The following SYNJ1 variants were observed in gnomAD, a reference collection of about 807,000 sequenced individuals.
The protein encoded by SYNJ1 is synaptojanin 1, also known as polyphosphatidylinositol phosphatase SYNJ1.
Under a neutral mutation model 168.2 loss-of-function variants are expected in SYNJ1, and 78 were observed. That is an observed-to-expected ratio of 0.46 (90% CI 0.39 to 0.56). SYNJ1 has a LOEUF of 0.56. Ranked by LOEUF, SYNJ1 falls within the 20% of genes least tolerant of loss-of-function variation. SYNJ1 has a pLI of 0.00. For synonymous variants in SYNJ1, 539 were observed against 548.6 expected (o/e 0.98, Z 0.24); for missense variants, 1,303 against 1,597.6 (o/e 0.82, Z 3.14).
intron 2 of SYNJ1, among the ~76,000 whole-genome samples, chr21:32,708,513 A>G (rs994412249): frequency 2.0e-5 from 3 of 152,200 alleles, no homozygotes; most frequent in African/African-American, 7.2e-5. Context: ...CCAGAAGAGA[A>G]TTGCTTTCGG....
intron 11 of SYNJ1, 22 bp from the exon 12 acceptor site, chr21:32,678,823 G>A (rs753706652): frequency 6.3e-7 from 1 of 1,592,348 alleles, no homozygotes; most frequent in East Asian, 2.3e-5. Context: ...GTTAAGAAAG[G>A]AGCGCAGATT....
chr21:32,681,155 A>C (rs979652230), intron 11 of SYNJ1, among the ~76,000 whole-genome samples: 1 of 152,226 alleles, frequency 6.6e-6, no homozygotes. Context: ...TTTAAAAATC[A>C]TATTTGTAAT....
intron 6 of SYNJ1, among the ~76,000 whole-genome samples, chr21:32,689,944 C>T (rs988414133): frequency 6.6e-6 from 1 of 152,230 alleles, no homozygotes; most frequent in Non-Finnish European, 1.5e-5. Context: ...GCAGAAAACT[C>T]ACAAGTTGAT....
chr21:32,656,934 A>G lies in SYNJ1; in HGVS notation c.2580-32T>C, dbSNP rs543028128. The G allele has an allele frequency of 1.9e-6, 3 of 1,611,352 alleles. No homozygotes were observed. In the African/African-American group the frequency reaches 4.0e-5, roughly 22 times the overall value. On this transcript the variant is annotated intron_variant, in intron 20 of 32. Transcript: ENST00000674351. The stretch of plus-strand genomic sequence containing the variant: ...GCATAAAGGAAGATAGATGTATTAG[A>G]AATGTTTTTAAAAGGGTGTATTTCA...
chr21:32,650,436 G>T, intron 22 of SYNJ1, 90 bp from the exon 23 acceptor site: 1 of 1,074,842 alleles, frequency 9.3e-7, no homozygotes, highest in Non-Finnish European at 1.3e-6. Flanking sequence ...ACTATGCAAT[G>T]GTATAGACAG....
At chr21:32,685,233 C>A (rs1189923912) in intron 9 of SYNJ1, among the ~76,000 whole-genome samples, 1 of 150,840 alleles carries the variant, frequency 6.6e-6, no homozygotes, top group South Asian at 2.1e-4. Flanking sequence ...ATAAAATGCG[C>A]TCACTAATGT....
upstream of SYNJ1, chr21:32,728,078 A>G (rs2122964424): frequency 5.6e-5 from 85 of 1,519,490 alleles, no homozygotes; most frequent in East Asian, 7.7e-5. Context: ...GCCCCGCGCG[A>G]GGGAAGGGGC....
At chr21:32,661,064 T>C (rs1270717579) in intron 18 of SYNJ1, among the ~76,000 whole-genome samples, 1 of 152,146 alleles carries the variant, frequency 6.6e-6, no homozygotes, top group Admixed American at 6.5e-5. Context: ...AAAGACTTTT[T>C]CCACACAGAA....
rs750372776 is a variant in SYNJ1 at position 32,726,863 on chromosome 21, G to C, written c.33C>G (p.His11Gln). 1 of 1,614,152 alleles carries C rather than the reference G, an allele frequency of 6.2e-7. No homozygotes were observed. The highest frequency in any genetic ancestry group is 8.5e-7 in the Non-Finnish European group (1 of 1,180,032). The change falls in exon 2 of 33, where the codon CAC becomes CAG. Residue 11 changes from histidine to glutamine, a missense_variant. Coordinates refer to ENST00000674351, the MANE Select transcript of SYNJ1 (RefSeq NM_203446.3). MAFSKGFRIY[H>Q]KLDPPPFSLI... is the part of the protein sequence containing the mutation. ...GGCTGAAAGGTGGGGGATCCAATTT[G>C]TGATAGATCCGGAATCCTTTACTGA...
chr21:32,629,823 G>T lies in SYNJ1; in HGVS notation c.*1982C>A, dbSNP rs962407762. The T allele has an allele frequency of 6.6e-6, 1 of 152,540 alleles. No homozygotes were observed. The highest frequency in any genetic ancestry group is 6.5e-5 in the Admixed American group (1 of 15,282). 9.4% of individuals were successfully genotyped at this position (152,540 alleles called of 1,614,324 possible). On this transcript the variant is annotated 3_prime_UTR_variant, in exon 33 of 33. Transcript: ENST00000674351. Reference sequence around the variant, plus strand: ...ATAAAAGCGGGATCAGTTGCATATTGGCAGTGCAGGAGACAAAATCCGCAG... The same window carrying T: ...ATAAAAGCGGGATCAGTTGCATATTTGCAGTGCAGGAGACAAAATCCGCAG...
intron 4 of SYNJ1, among the ~76,000 whole-genome samples, chr21:32,695,633 A>ATATTTATTTATT (rs759113240): frequency 1.2e-4 from 18 of 148,034 alleles, no homozygotes; most frequent in South Asian, 4.2e-4. Flanking sequence ...TTTTAAAAAA[A>ATATTTATTTATT]TATTTATTTA....
chr21:32,676,370 A>C lies in SYNJ1; in HGVS notation c.1511-15T>G. The C allele has an allele frequency of 1.2e-6, 2 of 1,606,272 alleles. No individual in the cohort carries two copies. Among genetic ancestry groups the C allele is most frequent in the Non-Finnish European group, 1.7e-6 (2 of 1,175,958 alleles). ...CTGCTCAGAAACTATGGATGCAACA[A>C]GAAGAAAACAAAGAATCATTAGTAA... On this transcript the variant is annotated splice_polypyrimidine_tract_variant and intron_variant, in intron 12 of 32. Transcript: ENST00000674351.
Position 32,699,845 on chromosome 21 carries a change from ATC to A in SYNJ1, c.470_471del (p.Arg157IlefsTer19), listed in dbSNP as rs2042336378. The A allele has an allele frequency of 6.2e-7, 1 of 1,608,532 alleles. No homozygotes were observed. The highest frequency in any genetic ancestry group is 8.5e-7 in the Non-Finnish European group (1 of 1,177,498). On this transcript the variant is annotated frameshift_variant, in exon 4 of 33. Transcript: ENST00000674351. LOFTEE classifies it high-confidence loss of function. ...GGGAAAAAATGAACTCACCAGAAAA[ATC>A]TATTATCAGTTGTCTGTTCTTGCAT... ...RSMQEQTTDN[R>X]FFWNQSLHLH...
chr21:32,712,614 T>A (rs750477996), intron 2 of SYNJ1, among the ~76,000 whole-genome samples: 1 of 151,968 alleles, frequency 6.6e-6, no homozygotes, highest in Non-Finnish European at 1.5e-5. Flanking sequence ...ACCAGGCCCC[T>A]GGCAAGGTTC....
chr21:32,721,379 T>C (rs2015927), intron 2 of SYNJ1, among the ~76,000 whole-genome samples: 71,150 of 152,134 alleles, frequency 0.47, 16,856 homozygotes, highest in African/African-American at 0.54. Context: ...TTTTCTATTT[T>C]AAACAGGTAA....
intron 29 of SYNJ1, among the ~76,000 whole-genome samples, chr21:32,640,311 T>A (rs974060556): frequency 6.6e-6 from 1 of 152,100 alleles, no homozygotes; most frequent in African/African-American, 2.4e-5. Context: ...TTTTGGTTTT[T>A]TTTTGAGATG....
intron 19 of SYNJ1, 54 bp from the exon 20 acceptor site, chr21:32,657,174 G>T: frequency 8.1e-7 from 1 of 1,231,886 alleles, no homozygotes; most frequent in Non-Finnish European, 1.2e-6. Context: ...AGGACAGATC[G>T]TGTAGAGCAA....
At chr21:32,671,495 C>G (rs2041186858) in intron 14 of SYNJ1, among the ~76,000 whole-genome samples, 1 of 152,184 alleles carries the variant, frequency 6.6e-6, no homozygotes, top group Non-Finnish European at 1.5e-5. Flanking sequence ...CAAGTTCACA[C>G]ATAAAATGCA....
intron 4 of SYNJ1, 119 bp from the exon 5 acceptor site, chr21:32,695,401 A>G (rs1050907609): frequency 6.2e-6 from 6 of 962,494 alleles, no homozygotes; most frequent in South Asian, 3.6e-5. Context: ...ACAAACAACA[A>G]ATCAATTCAT....
Sources: gnomAD v4.1 joint callset for allele counts (sites outside exome capture counted in the v4.1 genomes callset) on GRCh38, gnomAD v4.1.1 for gene constraint, MANE v1.5 for transcripts, NCBI Gene and HGNC (gene_info 2026-07-23, HGNC 2026-07-21) for gene names.